Variants in PCDHA1 observed in about 807,000 individuals in gnomAD.
PCDHA1 encodes protocadherin alpha 1.
In PCDHA1, 42 loss-of-function variants were observed where a neutral mutation model predicts 61.3. That is an observed-to-expected ratio of 0.69 (90% confidence interval 0.54 to 0.89). The LOEUF is 0.89. Ranked by LOEUF, PCDHA1 falls within the 40% of genes least tolerant of loss-of-function variation. The pLI is 0.00. For synonymous variants in PCDHA1, 610 were observed against 553.8 expected, an observed-to-expected ratio of 1.10 and a Z score of -1.43; for missense variants, 1,256 against 1,235.3, an observed-to-expected ratio of 1.02 and a Z score of -0.25.
intron 1 of PCDHA1, chr5:140,796,471 G>T (rs147855137): frequency 6.2e-7 from 1 of 1,612,160 alleles, no homozygotes; most frequent in Admixed American, 1.7e-5. Flanking sequence ...GGGCGAGCGC[G>T]CGTTGTCGAG....
intron 1 of PCDHA1, chr5:140,868,884 T>G (rs2050712940): frequency 1.4e-6 from 1 of 728,466 alleles, no homozygotes; most frequent in South Asian, 2.1e-5. Context: ...ACTCACAGTT[T>G]TAGGCGCAAG....
chr5:141,008,323 A>C lies in PCDHA1; in HGVS notation c.2543-1304A>C, dbSNP rs2098370005. ...CCCTAAACTGTAATTGAACATAAACAGTTTATTTGATGGAGCTTTTCACGT... is the reference window on the plus strand; with the variant it reads ...CCCTAAACTGTAATTGAACATAAACCGTTTATTTGATGGAGCTTTTCACGT... On this transcript the variant is annotated intron_variant, in intron 3 of 3. Transcript: ENST00000504120. 2.0e-5 allele frequency among the ~76,000 whole-genome samples: 3 copies of C among 152,242 alleles called. No individual in the cohort carries two copies. The South Asian group carries it at 6.2e-4, about 32-fold the overall frequency.
intron 1 of PCDHA1, chr5:140,801,885 A>G (rs782030457): frequency 1.2e-6 from 2 of 1,614,168 alleles, no homozygotes; most frequent in East Asian, 4.5e-5. Context: ...TCAACTAAAG[A>G]TCACTGTTTT....
chr5:140,849,601 T>G lies in PCDHA1; in HGVS notation c.2394+60917T>G, dbSNP rs2150442110. ...GAGGACGCACAACTGGGGACAGTTA[T>G]TGCCCTGATTAGTGTGATCGACCTA... is the stretch of plus-strand genomic sequence containing the variant. On this transcript the variant is annotated intron_variant, in intron 1 of 3. Transcript: ENST00000504120. The G allele has an allele frequency of 3.9e-5, 63 of 1,598,652 alleles. 7 individuals carry two copies. The highest frequency in any genetic ancestry group is 2.7e-4 in the South Asian group (24 of 90,564).
intron 1 of PCDHA1, chr5:140,802,979 G>A: frequency 6.2e-7 from 1 of 1,614,042 alleles, no homozygotes; most frequent in Non-Finnish European, 8.5e-7. Context: ...TAGCGAAGGT[G>A]CGCGCAGTGG....
In PCDHA1 at chr5:140,925,899, G is replaced by T. The variant is rs149135478; in HGVS notation, c.2395-53050G>T. ...TATAACCTCCTCTTTCACCCAGATC[G>T]TCAAGGGCCGTTTGCAAAGCACTCC... is the stretch of plus-strand genomic sequence containing the variant. On this transcript the variant is annotated intron_variant, in intron 1 of 3. Transcript: ENST00000504120. Among the ~76,000 whole-genome samples, 277 of 151,958 alleles carry T rather than the reference G, an allele frequency of 1.8e-3. 3 individuals carry two copies. The highest frequency in any genetic ancestry group is 6.4e-3 in the African/African-American group (264 of 41,382).
intron 1 of PCDHA1, among the ~76,000 whole-genome samples, chr5:140,903,398 T>C (rs1011557575): frequency 1.3e-5 from 2 of 152,204 alleles, no homozygotes; most frequent in Admixed American, 1.3e-4. Context: ...CTAGAAACAG[T>C]AGTGCAGTCA....
intron 1 of PCDHA1, among the ~76,000 whole-genome samples, chr5:140,950,750 C>T (rs1320735521): frequency 3.3e-5 from 5 of 151,928 alleles, no homozygotes; most frequent in Non-Finnish European, 7.4e-5. Flanking sequence ...TCTCTCTATC[C>T]TTTCTGGACT....
chr5:140,869,059 C>T (rs782790799), intron 1 of PCDHA1: 1 of 1,555,654 alleles, frequency 6.4e-7, no homozygotes, highest in East Asian at 2.2e-5. Context: ...GAATCTGGTA[C>T]TGTAAGTGTA....
At chr5:140,930,675 A>G (rs1326713897) in intron 1 of PCDHA1, among the ~76,000 whole-genome samples, 2 of 152,234 alleles carry the variant, frequency 1.3e-5, no homozygotes, top group Non-Finnish European at 2.9e-5. Flanking sequence ...TATTCTAGGC[A>G]ATAAGGGGAA....
rs183844925 is a variant in PCDHA1, at chr5:140,839,263, T to C, written c.2394+50579T>C. Among the ~76,000 whole-genome samples the C allele has an allele frequency of 3.7e-4, 56 of 152,234 alleles. 2 individuals carry two copies. Among genetic ancestry groups the C allele is most frequent in the African/African-American group, 1.3e-3 (52 of 41,512 alleles). On this transcript the variant is annotated intron_variant, in intron 1 of 3. Transcript: ENST00000504120. ...CTTTGCTTTTATGCTTACATGCATG[T>C]ATATTTAAAACCTTCCTAGCATATT...
chr5:140,833,070 T>C lies in PCDHA1; in HGVS notation c.2394+44386T>C, dbSNP rs149875221. Among the ~76,000 whole-genome samples the C allele has an allele frequency of 3.8e-4, 58 of 152,314 alleles. No homozygotes were observed. The East Asian group carries it at 0.01, about 27-fold the overall frequency. ...GAAAAGTAATATGAGAAAAACCTTT[T>C]GTATAACTTTGAGTACTAGACGAGT... On this transcript the variant is annotated intron_variant, in intron 1 of 3. Coordinates refer to ENST00000504120, the MANE Select transcript of PCDHA1 (RefSeq NM_018900.4).
At chr5:140,795,416 G>T (rs782770242) in intron 1 of PCDHA1, 3 of 1,614,128 alleles carry the variant, frequency 1.9e-6, no homozygotes, top group South Asian at 2.2e-5. Flanking sequence ...CTTGATTCTC[G>T]GTTTCCTCTA....
At chr5:140,817,018 A>G (rs1173014868) in intron 1 of PCDHA1, 7 of 152,034 alleles carry the variant, frequency 4.6e-5, no homozygotes, top group Non-Finnish European at 7.4e-5. Flanking sequence ...TCTTTCCCTC[A>G]TGAGAGAGAG....
intron 1 of PCDHA1, among the ~76,000 whole-genome samples, chr5:140,972,633 T>G (rs1230723429): frequency 6.6e-6 from 1 of 151,644 alleles, no homozygotes; most frequent in Non-Finnish European, 1.5e-5. Context: ...TGGCACTCCC[T>G]TCAGAGTCTC....
In PCDHA1 at chr5:140,986,391, G is replaced by A. The variant is rs144915625; in HGVS notation, c.2542+3828G>A. Among the ~76,000 whole-genome samples, 1,153 of 152,256 alleles carry A rather than the reference G, an allele frequency of 7.6e-3. 6 individuals are homozygous for A. Among genetic ancestry groups the A allele is most frequent in the Middle Eastern group, 0.014 (4 of 294 alleles). ...GTTTTGGGGGGAGGGACATTAAAGG[G>A]CCAGTCGCTCATGTTACAGCTCTTT... On this transcript the variant is annotated intron_variant, in intron 3 of 3. Transcript: ENST00000504120.
chr5:140,787,942 T>C lies in PCDHA1; in HGVS notation c.1652T>C (p.Leu551Pro), dbSNP rs1554118061. The C allele has an allele frequency of 1.2e-6, 2 of 1,613,778 alleles. No individual in the cohort carries two copies. ...GVPPLGSNVT[L>P]QVFVLDENDN... ...CCGCCTCTGGGCAGCAACGTGACGC[T>C]GCAGGTGTTCGTGCTGGACGAGAAC... The change falls in exon 1 of 4, where the codon CTG becomes CCG. Residue 551 changes from leucine to proline, a missense_variant. Leu to Pro is a moderately conservative substitution (Grantham distance 98). Transcript: ENST00000504120.
At chr5:140,925,671 A>AATAATG (rs1554202870) in intron 1 of PCDHA1, among the ~76,000 whole-genome samples, 40 of 148,180 alleles carry the variant, frequency 2.7e-4, no homozygotes, top group African/African-American at 9.5e-4. Flanking sequence ...TAATAATAAT[A>AATAATG]ATAATAAAGC....
chr5:140,841,591 C>T (rs2150318680), intron 1 of PCDHA1: 1 of 1,614,046 alleles, frequency 6.2e-7, no homozygotes, highest in Admixed American at 1.7e-5. Context: ...ATTCTCGGAT[C>T]GACCGCGAGG....
Sources: allele counts gnomAD v4.1 joint callset (sites outside exome capture counted in the v4.1 genomes callset), GRCh38; gene constraint gnomAD v4.1.1; transcripts MANE v1.5; gene names NCBI Gene and HGNC (gene_info 2026-07-23, HGNC 2026-07-21).